AHNAK: variants seen among roughly 807,000 people sequenced by gnomAD.
The protein encoded by AHNAK is neuroblast differentiation-associated protein AHNAK.
A neutral mutation model predicts 37.8 loss-of-function variants in AHNAK; 23 were observed. The ratio of observed to expected loss-of-function variants is 0.61; its 90% CI spans 0.44 to 0.86. The LOEUF is 0.86. AHNAK is among the 40% of genes least tolerant of loss of function. The pLI is 0.00. For missense variants in AHNAK, 7,411 were observed against 7,319.4 expected (o/e 1.01, Z -0.46); for synonymous variants, 2,481 against 2,636.3 (o/e 0.94, Z 1.80).
chr11:62,518,648 C>T lies in AHNAK; in HGVS notation c.15769G>A (p.Ala5257Thr). The T allele has an allele frequency of 1.2e-6, 2 of 1,614,202 alleles. No individual in the cohort carries two copies. Among genetic ancestry groups the T allele is most frequent in the South Asian group, 1.1e-5 (1 of 91,080 alleles). Residue 5257 changes from alanine to threonine, a missense_variant, in exon 5 of 5, where the codon GCC becomes ACC. Coordinates refer to ENST00000378024, the MANE Select transcript of AHNAK (RefSeq NM_001620.3). ...TCTCCTTCAAGAGAGGGTAGCTGGG[C>T]ATGGACCTCGGCTCCCCCACCCTCC... ...KMEGGGAEVH[A>T]QLPSLEGDLR...
At chr11:62,440,132 C>T (rs1938271824) in intron 5 of AHNAK, among the ~76,000 whole-genome samples, 1 of 152,192 alleles carries the variant, frequency 6.6e-6, no homozygotes, top group Non-Finnish European at 1.5e-5. Context: ...TTCTTCCCAC[C>T]TCTCCACTCA....
rs57544040 is a variant in AHNAK, at chr11:62,488,565, A to ATTT, written c.442+3164_442+3166dup. On this transcript the variant is annotated intron_variant, in intron 5 of 5. Transcript: ENST00000257247. ...TACAGGCGCCCACCATGCCCAGCTA[A>ATTT]TTTTTTTTTTTTTTTTTTGTATTTT... Among the ~76,000 whole-genome samples, 1,038 of 133,954 alleles carry ATTT rather than the reference A, an allele frequency of 7.7e-3. 28 individuals carry two copies. Among genetic ancestry groups the ATTT allele is most frequent in the African/African-American group, 0.028 (960 of 34,530 alleles). The allele number at this position is 133,954 out of a possible 152,430, so 87.9% of individuals were successfully genotyped here.
In AHNAK at chr11:62,532,746, A is replaced by C. The variant is rs1393464900; in HGVS notation, c.1671T>G (p.Leu557=). 1 of 1,613,922 alleles carries C rather than the reference A, an allele frequency of 6.2e-7. No individual in the cohort carries two copies. Among genetic ancestry groups the C allele is most frequent in the African/African-American group, 1.3e-5 (1 of 74,878 alleles). Reference sequence around the variant, plus strand: ...TTCCGGTTTTCCCGGAAGGACTGCCAAGCCTAGGGCCTGTCAAGGTTCCCT... The same window carrying C: ...TTCCGGTTTTCCCGGAAGGACTGCCCAGCCTAGGGCCTGTCAAGGTTCCCT... The part of the protein sequence containing the change: ...NLEGTLTGPR[L]GSPSGKTGTC... Residue 557 remains leucine, a synonymous_variant, in exon 5 of 5, where the codon CTT becomes CTG. Transcript: ENST00000378024.
At chr11:62,471,662 C>G (rs1939038126) in intron 5 of AHNAK, among the ~76,000 whole-genome samples, 1 of 152,148 alleles carries the variant, frequency 6.6e-6, no homozygotes. Flanking sequence ...TATCACTGTA[C>G]ATGTTGCAAA....
intron 5 of AHNAK, among the ~76,000 whole-genome samples, chr11:62,468,432 G>C (rs1241726758): frequency 6.6e-6 from 1 of 151,914 alleles, no homozygotes; most frequent in African/African-American, 2.4e-5. Flanking sequence ...CTAGGGTTGG[G>C]GTGCATAATG....
chr11:62,476,180 G>A (rs1939141219), intron 5 of AHNAK, among the ~76,000 whole-genome samples: 1 of 152,156 alleles, frequency 6.6e-6, no homozygotes, highest in Admixed American at 6.5e-5. Flanking sequence ...CTGAGGTCAG[G>A]AGTTCGAGAT....
intron 5 of AHNAK, chr11:62,433,913 A>G (rs750282288): frequency 1.9e-6 from 3 of 1,612,598 alleles, no homozygotes; most frequent in Non-Finnish European, 2.5e-6. Flanking sequence ...CAACAAAGAG[A>G]TTTATATTCA....
downstream of AHNAK, among the ~76,000 whole-genome samples, chr11:62,510,920 T>TA (rs200380735): frequency 6.6e-3 from 992 of 150,934 alleles, 11 homozygotes; most frequent in African/African-American, 0.023. Context: ...AAATACACTT[T>TA]AAAAAAAAAG....
At chr11:62,435,140 C>G (rs1007348238) in intron 5 of AHNAK, among the ~76,000 whole-genome samples, 20 of 152,290 alleles carry the variant, frequency 1.3e-4, no homozygotes, top group African/African-American at 4.8e-4. Flanking sequence ...CTGGTCTTCT[C>G]TCTGTGACTA....
rs1939590822 is a variant in AHNAK, at chr11:62,495,542, C to G, written c.343-3711G>C. On this transcript the variant is annotated intron_variant, in intron 4 of 5. Transcript: ENST00000257247. ...GGTCAGGAGATCGAGACCAGCCTGG[C>G]CAACGTGGTGAAACCCAGTCTCTTC... is the stretch of plus-strand genomic sequence containing the variant. Among the ~76,000 whole-genome samples the G allele has an allele frequency of 4.0e-5, 6 of 151,378 alleles. No individual in the cohort carries two copies. In the South Asian group the frequency reaches 1.0e-3, roughly 26 times the overall value.
chr11:62,501,177 G>A (rs993800683), intron 4 of AHNAK, among the ~76,000 whole-genome samples: 11 of 152,084 alleles, frequency 7.2e-5, no homozygotes, highest in African/African-American at 1.4e-4. Context: ...TTTCCAGCCT[G>A]GGGGTCAGAG....
exon 6 of AHNAK, chr11:62,433,728 T>C (rs1235890407): frequency 5.2e-6 from 5 of 960,676 alleles, no homozygotes; most frequent in Non-Finnish European, 7.9e-6. Flanking sequence ...TAAACATGCA[T>C]GCTCCGAAAA....
Position 62,529,886 on chromosome 11 carries a change from G to C in AHNAK, c.4531C>G (p.Pro1511Ala), listed in dbSNP as rs1488532491. The change falls in exon 5 of 5, where the codon CCC (proline) becomes GCC (alanine). Residue 1511 changes from proline (P) to alanine (A), a missense_variant. Transcript: ENST00000378024. ...VHGPDWHLKMPKVKMPKFSMP... is the reference protein window; with the variant it reads ...VHGPDWHLKMAKVKMPKFSMP... ...CTGAACTTGGGCATTTTTACCTTGGGCATCTTCAGGTGCCAGTCTGGGCCA... is the reference window on the plus strand; with the variant it reads ...CTGAACTTGGGCATTTTTACCTTGGCCATCTTCAGGTGCCAGTCTGGGCCA... The C allele has an allele frequency of 6.2e-7, 1 of 1,613,458 alleles. No individual in the cohort carries two copies. Among genetic ancestry groups the C allele is most frequent in the Non-Finnish European group, 8.5e-7 (1 of 1,179,916 alleles).
chr11:62,521,613 A>T lies in AHNAK; in HGVS notation c.12804T>A (p.Gly4268=), dbSNP rs557289. ...CATCCACATCACCCTTCACCTTGGG[A>T]CCTTTCAGATGCAAATCAAAGTCAG... ...SMPDFDLHLK[G]PKVKGDVDVS... is the part of the protein sequence containing the mutation. The change falls in exon 5 of 5, where the codon GGT becomes GGA. Residue 4268 remains glycine, a synonymous_variant. Transcript: ENST00000378024. The T allele has an allele frequency of 1.2e-6, 2 of 1,610,888 alleles. No homozygotes were observed. Among genetic ancestry groups the T allele is most frequent in the Non-Finnish European group, 1.7e-6 (2 of 1,179,328 alleles).
At chr11:62,438,755 C>T (rs72925313) in intron 5 of AHNAK, among the ~76,000 whole-genome samples, 3,286 of 152,218 alleles carry the variant, frequency 0.022, 62 homozygotes, top group Non-Finnish European at 0.034. Flanking sequence ...CCAGGAAGAC[C>T]TTCTCTGTTC....
chr11:62,539,996 C>T (rs932382535), intron 1 of AHNAK, among the ~76,000 whole-genome samples: 5 of 152,240 alleles, frequency 3.3e-5, no homozygotes, highest in Non-Finnish European at 7.3e-5. Flanking sequence ...TCAGTCTCTC[C>T]TCCACCTCTG....
Position 62,533,405 on chromosome 11 carries a change from C to T in AHNAK, c.1012G>A (p.Val338Met). The T allele has an allele frequency of 1.2e-6, 2 of 1,605,106 alleles. No homozygotes were observed. The highest frequency in any genetic ancestry group is 1.7e-6 in the Non-Finnish European group (2 of 1,175,402). Residue 338 changes from valine to methionine, a missense_variant, in exon 5 of 5, where the codon GTG becomes ATG. Val to Met is a conservative substitution (Grantham distance 21). Transcript: ENST00000378024. ...GLRVSAPEVS[V>M]GHKGGKPGLT... is the part of the protein sequence containing the mutation. ...CCTGGCTTGCCGCCCTTGTGCCCCA[C>T]AGAGACTTCAGGTGCAGAAACCCTC...
At chr11:62,438,482 T>C (rs1938228834) in intron 5 of AHNAK, among the ~76,000 whole-genome samples, 1 of 152,104 alleles carries the variant, frequency 6.6e-6, no homozygotes, top group African/African-American at 2.4e-5. Flanking sequence ...ACCTGGCCTC[T>C]TTTTCTCATT....
At chr11:62,482,401 C>T (rs1176250073) in intron 5 of AHNAK, among the ~76,000 whole-genome samples, 1 of 103,138 alleles carries the variant, frequency 9.7e-6, no homozygotes, top group Admixed American at 1.1e-4. Context: ...AGTGACAGAG[C>T]GAGACTGTCT....
Sources: gnomAD v4.1 joint callset for allele counts (sites outside exome capture counted in the v4.1 genomes callset) on GRCh38, gnomAD v4.1.1 for gene constraint, MANE v1.5 for transcripts, NCBI Gene and HGNC (gene_info 2026-07-23, HGNC 2026-07-21) for gene names.